KCTD14: variants seen among roughly 807,000 people sequenced by gnomAD.
KCTD14 encodes the protein potassium channel tetramerization domain containing 14.
A neutral mutation model predicts 5.9 loss-of-function variants in KCTD14; 7 were observed. The observed-to-expected ratio is 1.19, with a 90% CI of 0.68 to 2.23. The LOEUF is 2.23. Ranked by LOEUF, KCTD14 falls within the 30% of genes most tolerant of loss-of-function variation. The pLI, the probability that KCTD14 is intolerant of heterozygous loss-of-function variation, is 0.00. For synonymous variants in KCTD14, 140 were observed against 133.1 expected (o/e 1.05, Z -0.36); for missense variants, 342 against 332.2 (o/e 1.03, Z -0.23).
At chr11:78,027,850 A>C (rs1009944457), upstream of KCTD14, among the ~76,000 whole-genome samples, 1 of 152,150 alleles carries the variant, frequency 6.6e-6, no homozygotes. Context: ...AATAGATTGC[A>C]AATATTTCTT....
intron 1 of KCTD14, among the ~76,000 whole-genome samples, chr11:78,042,581 G>A (rs1056632474): frequency 6.6e-6 from 1 of 152,224 alleles, no homozygotes; most frequent in Non-Finnish European, 1.5e-5. Flanking sequence ...ATTGATTTGA[G>A]TAATAACTCC....
rs964576510 is a variant in KCTD14, at chr11:78,031,388, A to AT, written c.-1+7275dup. On this transcript the variant is annotated intron_variant, in intron 2 of 2. Coordinates refer to the KCTD14 transcript ENST00000533144. ...TTGTTTATTTTTTAAAATTTATTTTATTTTTTTTGAGACAGGGTCTTGCTC... is the reference window on the plus strand; with the variant it reads ...TTGTTTATTTTTTAAAATTTATTTTATTTTTTTTTGAGACAGGGTCTTGCTC... 5.3e-5 allele frequency among the ~76,000 whole-genome samples: 8 copies of AT among 151,196 alleles called. No individual in the cohort carries two copies. In the East Asian group the frequency reaches 5.8e-4, roughly 11 times the overall value.
rs1421212816 is a variant in KCTD14 at position 78,016,287 on chromosome 11, C to T, written c.*306G>A. ...ATCTTGTATGTTCCTGTTGTCATCTCACATCTCTTGCCAACGCATTGTTGA... is the reference window on the plus strand; with the variant it reads ...ATCTTGTATGTTCCTGTTGTCATCTTACATCTCTTGCCAACGCATTGTTGA... On this transcript the variant is annotated 3_prime_UTR_variant, in exon 2 of 2. Coordinates refer to ENST00000353172, the MANE Select transcript of KCTD14 (RefSeq NM_023930.4). 5.0e-6 allele frequency: 2 copies of T among 402,622 alleles called. No individual in the cohort carries two copies. The highest frequency in any genetic ancestry group is 9.0e-6 in the Non-Finnish European group (2 of 221,574). 24.9% of individuals were successfully genotyped at this position (402,622 alleles called of 1,614,324 possible). A position where few individuals can be genotyped will look rare whatever the true frequency, so the allele number is the denominator to read the frequency against.
At chr11:78,030,348 C>A (rs924106941) in intron 2 of KCTD14, among the ~76,000 whole-genome samples, 5 of 152,152 alleles carry the variant, frequency 3.3e-5, no homozygotes, top group African/African-American at 7.2e-5. Flanking sequence ...GTCAGTCAGA[C>A]CAGGAGACGA....
intron 1 of KCTD14, chr11:78,038,894 G>A (rs1053493684): frequency 3.1e-5 from 31 of 1,006,540 alleles, no homozygotes; most frequent in Admixed American, 7.1e-5. Flanking sequence ...CTGTGGTCAC[G>A]GTCAGGCCCG....
rs563670078 is a variant in KCTD14, at chr11:78,028,746, G to C, written c.-1+9918C>G. On this transcript the variant is annotated intron_variant, in intron 2 of 2. Transcript: ENST00000533144. ...AGTTGAGCCCAGGAGTTTGAGACTA[G>C]CCTGGGAAACATGGCAAAACCCCAT... is the stretch of plus-strand genomic sequence containing the variant. Among the ~76,000 whole-genome samples the C allele has an allele frequency of 3.9e-5, 6 of 152,210 alleles. No individual in the cohort carries two copies. In the Middle Eastern group the frequency reaches 0.01, roughly 259 times the overall value.
upstream of KCTD14, among the ~76,000 whole-genome samples, chr11:78,025,106 GTGTGTGTGTGTGTATATATATATA>G (rs1857419501): frequency 1.5e-5 from 1 of 66,310 alleles, no homozygotes; most frequent in East Asian, 5.4e-4. Flanking sequence ...GTGTGTGTGT[GTGTGTGTGTGTGTATATATATATA>G]TATATATATA....
At chr11:78,025,002 T>C (rs1380941714), upstream of KCTD14, among the ~76,000 whole-genome samples, 8 of 97,308 alleles carry the variant, frequency 8.2e-5, no homozygotes, top group Non-Finnish European at 1.5e-4. Flanking sequence ...CATATATTTG[T>C]ATATATATAT....
intron 1 of KCTD14, chr11:78,045,993 A>C: frequency 1.8e-6 from 1 of 545,800 alleles, no homozygotes; most frequent in Non-Finnish European, 2.3e-6. Flanking sequence ...TGTCCCAGTT[A>C]GAGGCAGCCT....
upstream of KCTD14, among the ~76,000 whole-genome samples, chr11:78,024,684 G>A (rs377641862): frequency 5.3e-5 from 8 of 151,916 alleles, no homozygotes; most frequent in East Asian, 5.8e-4. Flanking sequence ...GGTTGCTCAC[G>A]CCTGTAATCT....
At chr11:78,038,890 T>G in intron 1 of KCTD14, 1 of 1,082,454 alleles carries the variant, frequency 9.2e-7, no homozygotes. Context: ...GCTGCTGTGG[T>G]CACGGTCAGG....
At position 78,044,706 on chromosome 11, in the gene KCTD14, T is replaced by A. The variant is rs1858086386; in HGVS notation, c.-96+1355A>T. ...TCGGAGGGGCATAAGGCAGAGGGAG[T>A]GACCAAGGCAAGTTTTAGAGCAGGA... is the stretch of plus-strand genomic sequence containing the variant. On this transcript the variant is annotated intron_variant, in intron 1 of 2. Transcript: ENST00000533144. 2.6e-5 allele frequency among the ~76,000 whole-genome samples: 4 copies of A among 151,834 alleles called. No homozygotes were observed. The South Asian group carries it at 8.3e-4, about 32-fold the overall frequency.
chr11:78,035,856 A>C (rs1310820327), intron 2 of KCTD14, among the ~76,000 whole-genome samples: 2 of 147,132 alleles, frequency 1.4e-5, no homozygotes, highest in Non-Finnish European at 3.0e-5. Context: ...AAAAAAAAAA[A>C]AAAAAAAAAC....
At chr11:78,025,317 G>C (rs1857437679), upstream of KCTD14, among the ~76,000 whole-genome samples, 1 of 151,732 alleles carries the variant, frequency 6.6e-6, no homozygotes, top group Non-Finnish European at 1.5e-5. Flanking sequence ...AAAGATGTAG[G>C]CTGGGAGGCT....
chr11:78,036,173 A>G (rs1365761465), intron 2 of KCTD14, among the ~76,000 whole-genome samples: 4 of 152,044 alleles, frequency 2.6e-5, no homozygotes, highest in Non-Finnish European at 5.9e-5. Flanking sequence ...AAAACAAAAG[A>G]GTCCCTTTAT....
intron 1 of KCTD14, among the ~76,000 whole-genome samples, chr11:78,020,933 C>T (rs925226480): frequency 1.3e-5 from 2 of 152,158 alleles, no homozygotes; most frequent in Non-Finnish European, 2.9e-5. Context: ...CAAAAGAATG[C>T]TAAGCTTCCC....
At chr11:78,039,668 G>A (rs180778639) in intron 1 of KCTD14, among the ~76,000 whole-genome samples, 1 of 152,094 alleles carries the variant, frequency 6.6e-6, no homozygotes. Flanking sequence ...TCAGGAGACT[G>A]AGGTGGGAGG....
In KCTD14 at chr11:78,017,045, C is replaced by T. The variant is rs762927190; in HGVS notation, c.316G>A (p.Val106Met). ...TCGTAGAACTGAGCCTCACGGTACA[C>T]TTCAGGGATGTGCTGTGTGGGCACT... ...GQVPTQHIPE[V>M]YREAQFYEIK... Residue 106 changes from valine to methionine, a missense_variant, in exon 2 of 2, where the codon GTG (valine) becomes ATG (methionine). Transcript: ENST00000353172. 38 of 1,614,154 alleles carry T rather than the reference C, an allele frequency of 2.4e-5. No individual in the cohort carries two copies. Among genetic ancestry groups the T allele is most frequent in the Non-Finnish European group, 3.1e-5 (37 of 1,180,060 alleles).
chr11:78,021,759 C>T (rs1220755316), intron 1 of KCTD14, among the ~76,000 whole-genome samples: 1 of 152,126 alleles, frequency 6.6e-6, no homozygotes, highest in African/African-American at 2.4e-5. Context: ...CCTGTCACTC[C>T]CTGCATTAAA....
Sources: allele counts gnomAD v4.1 joint callset (sites outside exome capture counted in the v4.1 genomes callset), GRCh38; gene constraint gnomAD v4.1.1; transcripts MANE v1.5; gene names NCBI Gene and HGNC (gene_info 2026-07-23, HGNC 2026-07-21).